Variants in DCUN1D2 observed in about 807,000 individuals in gnomAD.
DCUN1D2 encodes defective in cullin neddylation 1 domain containing 2, also known as DCN1-like protein 2.
A neutral mutation model predicts 30.9 loss-of-function variants in DCUN1D2; 29 were observed. The observed-to-expected ratio is 0.94, with a 90% CI of 0.70 to 1.28. DCUN1D2 has a LOEUF of 1.28. Ranked by LOEUF, DCUN1D2 falls within the 50% of genes most tolerant of loss-of-function variation. DCUN1D2 has a pLI of 0.00. For synonymous variants in DCUN1D2, 121 were observed against 115.3 expected (o/e 1.05, Z -0.32); for missense variants, 325 against 316.9 (o/e 1.03, Z -0.19).
At chr13:113,458,285 G>A (rs929063244) in intron 6 of DCUN1D2, among the ~76,000 whole-genome samples, 177 bp from the exon 7 acceptor site, 3 of 152,206 alleles carry the variant, frequency 2.0e-5, no homozygotes, top group African/African-American at 4.8e-5. Context: ...GCCCTAGCAC[G>A]GCCAGGTCGG....
rs551894447 is a variant in DCUN1D2, at chr13:113,467,510, A to G, written c.521-6374T>C. 6.2e-3 allele frequency among the ~76,000 whole-genome samples: 938 copies of G among 152,096 alleles called. 9 individuals are homozygous for G. Among genetic ancestry groups the G allele is most frequent in the African/African-American group, 0.022 (898 of 41,458 alleles). On this transcript the variant is annotated intron_variant, in intron 4 of 6. Transcript: ENST00000478244. ...TTGTGACACCACTGCAAAAAAAAAAAAAGGAGATTTTTAGTCCCCAAAGTA... is the reference window on the plus strand; with the variant it reads ...TTGTGACACCACTGCAAAAAAAAAAGAAGGAGATTTTTAGTCCCCAAAGTA...
chr13:113,482,665 C>A (rs918220318), intron 2 of DCUN1D2, among the ~76,000 whole-genome samples: 1 of 152,192 alleles, frequency 6.6e-6, no homozygotes, highest in African/African-American at 2.4e-5. Flanking sequence ...AAGAACTTGG[C>A]TGGGTGCGGT....
chr13:113,480,835 C>T, intron 2 of DCUN1D2, 92 bp from the exon 3 acceptor site: 2 of 1,366,510 alleles, frequency 1.5e-6, no homozygotes, highest in Admixed American at 1.9e-5. Context: ...GATTATACTA[C>T]ATAGTTCTAG....
chr13:113,477,961 C>A (rs1373119666), intron 3 of DCUN1D2, among the ~76,000 whole-genome samples: 1 of 152,164 alleles, frequency 6.6e-6, no homozygotes, highest in East Asian at 1.9e-4. Context: ...ATCTTATAAT[C>A]ATCTTATGCA....
Position 113,490,521 on chromosome 13 carries a change from G to T in DCUN1D2, c.3+146C>A, listed in dbSNP as rs2044940709. ...CCACCGCTCCGGCTCGCGGGCCCGC[G>T]GCGCGTTCCTCCCTCGGATCCACGC... On this transcript the variant is annotated intron_variant, in intron 1 of 6. Transcript: ENST00000478244. The surrounding 1 kb of genome is among the most constrained non-coding windows in gnomAD (Gnocchi z 5.2). 2.3e-6 allele frequency: 2 copies of T among 881,154 alleles called. No individual in the cohort carries two copies. The highest frequency in any genetic ancestry group is 1.8e-5 in the African/African-American group (1 of 55,836). 54.6% of individuals were successfully genotyped at this position (881,154 alleles called of 1,614,324 possible).
At chr13:113,459,583 G>A (rs187732944) in intron 5 of DCUN1D2, 175 bp from the exon 6 acceptor site, 57 of 451,740 alleles carry the variant, frequency 1.3e-4, no homozygotes, top group East Asian at 1.1e-3. Context: ...CTACAACAAC[G>A]CTAATGTCCA....
At chr13:113,460,043 G>A (rs1445813633) in intron 5 of DCUN1D2, among the ~76,000 whole-genome samples, 2 of 152,224 alleles carry the variant, frequency 1.3e-5, no homozygotes, top group African/African-American at 4.8e-5. Context: ...TGTGACTTAG[G>A]TTTGACCCCA....
intron 1 of DCUN1D2, among the ~76,000 whole-genome samples, chr13:113,485,893 G>C (rs2044793836): frequency 6.6e-6 from 1 of 152,102 alleles, no homozygotes; most frequent in African/African-American, 2.4e-5. Context: ...GCCTCCGTGG[G>C]CTGCAAGGCC....
intron 3 of DCUN1D2, 34 bp from the exon 4 acceptor site, chr13:113,474,288 G>C (rs1210604606): frequency 6.2e-7 from 1 of 1,609,100 alleles, no homozygotes; most frequent in Non-Finnish European, 8.5e-7. Context: ...TCTTGCAGCA[G>C]ATGCGCCTCC....
chr13:113,471,573 C>T (rs543289470), intron 4 of DCUN1D2, among the ~76,000 whole-genome samples: 17 of 152,284 alleles, frequency 1.1e-4, no homozygotes, highest in South Asian at 6.2e-4. Flanking sequence ...TGACCATGGA[C>T]GACCCACAAC....
At chr13:113,480,070 G>A (rs754127751) in intron 3 of DCUN1D2, among the ~76,000 whole-genome samples, 2 of 152,198 alleles carry the variant, frequency 1.3e-5, no homozygotes, top group Non-Finnish European at 2.9e-5. Context: ...TTAAGAGACA[G>A]TTACATTAGG....
rs199546834 is a variant in DCUN1D2, at chr13:113,459,432, A to C, written c.604-24T>G. 1.5e-5 allele frequency: 17 copies of C among 1,128,238 alleles called. No individual in the cohort carries two copies. In the Middle Eastern group the frequency reaches 7.9e-4, roughly 52 times the overall value. The allele number at this position is 1,128,238 out of a possible 1,614,324, so 69.9% of individuals were successfully genotyped here. A position where few individuals can be genotyped will look rare whatever the true frequency, so the allele number is the denominator to read the frequency against. ...TCCTAATATATGAGAGAAAAAAAAA[A>C]CCCACCAGGTTTAAAATACAGAGCT... On this transcript the variant is annotated intron_variant, in intron 5 of 6. Coordinates refer to ENST00000478244, the MANE Select transcript of DCUN1D2 (RefSeq NM_001014283.2).
intron 2 of DCUN1D2, among the ~76,000 whole-genome samples, chr13:113,482,934 T>C (rs190177714): frequency 1.3e-5 from 2 of 152,056 alleles, no homozygotes; most frequent in Admixed American, 1.3e-4. Context: ...AGAGCAAGAC[T>C]CCGTCACATA....
At chr13:113,487,966 C>T (rs910237988) in intron 1 of DCUN1D2, among the ~76,000 whole-genome samples, 1 of 152,326 alleles carries the variant, frequency 6.6e-6, no homozygotes, top group Middle Eastern at 3.4e-3. Flanking sequence ...CAACTGATGA[C>T]TCCACACCAG....
intron 4 of DCUN1D2, among the ~76,000 whole-genome samples, chr13:113,461,464 T>C (rs1011665182): frequency 1.3e-5 from 2 of 152,244 alleles, no homozygotes; most frequent in Non-Finnish European, 2.9e-5. Flanking sequence ...ATACTATTAA[T>C]GCGTATCATT....
chr13:113,467,949 C>G (rs538407799), intron 4 of DCUN1D2, among the ~76,000 whole-genome samples: 1 of 148,870 alleles, frequency 6.7e-6, no homozygotes, highest in East Asian at 2.0e-4. Context: ...GAGGCTGAGG[C>G]AGGAGAATTG....
Position 113,458,091 on chromosome 13 carries a change from T to G in DCUN1D2, c.718A>C (p.Ile240Leu), listed in dbSNP as rs1370350485. 6.2e-7 allele frequency: 1 copy of G among 1,614,176 alleles called. No individual in the cohort carries two copies. Among genetic ancestry groups the G allele is most frequent in the Non-Finnish European group, 8.5e-7 (1 of 1,180,026 alleles). ...CGTGCATATTCTACAAAATCATCTA[T>G]AAGAACGGGCCAAGCTCCTAAAGGA... is the stretch of plus-strand genomic sequence containing the variant. The part of the protein sequence containing the change: ...YDEEGAWPVL[I>L]DDFVEYARPV... Residue 240 changes from isoleucine (I) to leucine (L), a missense_variant, in exon 7 of 7, where the codon ATA becomes CTA. Transcript: ENST00000478244.
chr13:113,489,808 C>T (rs2044897391), intron 1 of DCUN1D2, among the ~76,000 whole-genome samples: 1 of 152,254 alleles, frequency 6.6e-6, no homozygotes, highest in Non-Finnish European at 1.5e-5. Context: ...CAGTTCAACT[C>T]ACACCCTCAG....
chr13:113,477,985 A>C (rs1432447777), intron 3 of DCUN1D2, among the ~76,000 whole-genome samples: 1 of 152,212 alleles, frequency 6.6e-6, no homozygotes, highest in Non-Finnish European at 1.5e-5. Flanking sequence ...TCTGAGTCTT[A>C]CAGCTGAGAG....
Sources: gnomAD v4.1 joint callset for allele counts (sites outside exome capture counted in the v4.1 genomes callset) on GRCh38, gnomAD v4.1.1 for gene constraint, Gnocchi (gnomAD v3.1) non-coding constraint, MANE v1.5 for transcripts, NCBI Gene and HGNC (gene_info 2026-07-23, HGNC 2026-07-21) for gene names.